Variants in RGS6 observed in about 807,000 individuals in gnomAD.
RGS6 encodes the protein regulator of G protein signaling 6, also known as regulator of G-protein signaling 6.
A neutral mutation model predicts 78.5 loss-of-function variants in RGS6; 30 were observed. That is an observed-to-expected ratio of 0.38 (90% CI 0.29 to 0.52). RGS6 has a LOEUF of 0.52. Among genes scored for constraint, RGS6 ranks in the 20% least tolerant of loss-of-function variants. The pLI, the probability that RGS6 is intolerant of heterozygous loss-of-function variation, is 0.85. For missense variants in RGS6, 495 were observed against 609.7 expected (o/e 0.81, Z 1.98); for synonymous variants, 206 against 206.0 (o/e 1.00, Z 0.00).
chr14:72,438,187 A>G (rs1334954869), intron 3 of RGS6, among the ~76,000 whole-genome samples: 1 of 152,182 alleles, frequency 6.6e-6, no homozygotes, highest in African/African-American at 2.4e-5. Flanking sequence ...AAGTCACAGA[A>G]GAGTGAAGCT....
chr14:71,968,301 A>T (rs1406015077), intron 2 of RGS6, among the ~76,000 whole-genome samples: 1 of 152,180 alleles, frequency 6.6e-6, no homozygotes, highest in Admixed American at 6.6e-5. Context: ...GGGTCCTAGG[A>T]ATCTGAGTTT....
chr14:72,257,922 A>C (rs2153873201), intron 2 of RGS6, among the ~76,000 whole-genome samples: 1 of 152,374 alleles, frequency 6.6e-6, no homozygotes, highest in South Asian at 2.1e-4. Context: ...ATTGTTTATA[A>C]GAAAAGAAAC....
chr14:72,084,540 C>T (rs900133354), intron 2 of RGS6, among the ~76,000 whole-genome samples: 4 of 152,202 alleles, frequency 2.6e-5, no homozygotes, highest in African/African-American at 7.2e-5. Context: ...AATTGAATTA[C>T]AGGCACTTAC....
chr14:72,016,581 T>G (rs550222348), intron 2 of RGS6, among the ~76,000 whole-genome samples: 184 of 152,168 alleles, frequency 1.2e-3, no homozygotes, highest in Non-Finnish European at 1.7e-3. Context: ...TAGCCAGGAT[T>G]GTCTCAATCT....
At chr14:72,275,602 A>G (rs1463317234) in intron 2 of RGS6, among the ~76,000 whole-genome samples, 1 of 152,204 alleles carries the variant, frequency 6.6e-6, no homozygotes, top group Non-Finnish European at 1.5e-5. Flanking sequence ...CTATTTCTGT[A>G]GGCAGGATTC....
At chr14:72,211,851 C>A (rs975094559) in intron 2 of RGS6, among the ~76,000 whole-genome samples, 3 of 152,098 alleles carry the variant, frequency 2.0e-5, no homozygotes, top group African/African-American at 4.8e-5. Context: ...TTGGATATTA[C>A]ATAAAACCTT....
intron 3 of RGS6, among the ~76,000 whole-genome samples, chr14:72,413,994 T>C (rs1034394069): frequency 3.3e-5 from 5 of 152,200 alleles, no homozygotes; most frequent in South Asian, 4.1e-4. Context: ...CTCTGGCTGC[T>C]CTTAACATTT....
chr14:72,559,924 T>C (rs1293773388), intron 17 of RGS6, among the ~76,000 whole-genome samples: 1 of 151,998 alleles, frequency 6.6e-6, no homozygotes, highest in African/African-American at 2.4e-5. Flanking sequence ...AATAGACACA[T>C]AATCCTCCAG....
intron 2 of RGS6, among the ~76,000 whole-genome samples, chr14:72,150,813 T>TTCAACC (rs2096674034): frequency 6.6e-6 from 1 of 152,116 alleles, no homozygotes; most frequent in African/African-American, 2.4e-5. Context: ...AGGCCCCTCT[T>TTCAACC]TCAACCTTGG....
At chr14:72,196,354 T>A (rs78862578) in intron 2 of RGS6, among the ~76,000 whole-genome samples, 1 of 152,146 alleles carries the variant, frequency 6.6e-6, no homozygotes, top group Non-Finnish European at 1.5e-5. Flanking sequence ...GGATTTCCCC[T>A]CCTCACTGAT....
chr14:71,884,154 T>C, the RGS6 span, among the ~76,000 whole-genome samples: 1 of 152,220 alleles, frequency 6.6e-6, no homozygotes, highest in African/African-American at 2.4e-5. Context: ...TCCTAGGAGT[T>C]CTGCCTTCAT....
intron 1 of RGS6, among the ~76,000 whole-genome samples, chr14:71,951,200 T>C (rs931157273): frequency 2.0e-5 from 3 of 152,050 alleles, no homozygotes; most frequent in African/African-American, 7.2e-5. Context: ...AATATGGTAA[T>C]ATACACCATA....
the RGS6 span, among the ~76,000 whole-genome samples, chr14:72,603,581 T>G: frequency 1.3e-3 from 195 of 152,340 alleles, 2 homozygotes; most frequent in Non-Finnish European, 3.7e-4. Flanking sequence ...TCCAGGCAGT[T>G]GGCATTCAAC....
At chr14:72,331,604 C>T (rs1396985618) in intron 2 of RGS6, among the ~76,000 whole-genome samples, 1 of 152,090 alleles carries the variant, frequency 6.6e-6, no homozygotes, top group South Asian at 2.1e-4. Flanking sequence ...TGGGTACTGT[C>T]CTTGTGTCAT....
chr14:72,087,359 T>TA (rs2095087058), intron 2 of RGS6, among the ~76,000 whole-genome samples: 1 of 152,064 alleles, frequency 6.6e-6, no homozygotes, highest in African/African-American at 2.4e-5. Context: ...TTGAACTCCT[T>TA]ACCTCAAGTG....
chr14:72,541,515 G>C lies in RGS6; in HGVS notation c.1422+1421G>C, dbSNP rs1480562799. ...TGCGGGTGCCTGGTCTATCTTCATG[G>C]CTGCTTTGCCAATGGCCGTGTGGCT... is the stretch of plus-strand genomic sequence containing the variant. On this transcript the variant is annotated intron_variant, in intron 17 of 17. Transcript: ENST00000553525. 5.2e-6 allele frequency: 8 copies of C among 1,535,574 alleles called. No individual in the cohort carries two copies. In the Admixed American group the frequency reaches 9.8e-5, roughly 19 times the overall value.
chr14:72,469,854 G>A (rs866955532), intron 7 of RGS6, 153 bp from the exon 8 acceptor site: 2 of 627,652 alleles, frequency 3.2e-6, no homozygotes, highest in South Asian at 3.8e-5. Flanking sequence ...CTGGCGCAAA[G>A]TCAAATGGGA....
intron 2 of RGS6, among the ~76,000 whole-genome samples, chr14:72,068,351 T>C (rs1428971199): frequency 6.6e-6 from 1 of 151,950 alleles, no homozygotes; most frequent in African/African-American, 2.4e-5. Flanking sequence ...GCCAGGCTGG[T>C]CTTGAACTTG....
chr14:71,958,586 G>T (rs1350310404), intron 1 of RGS6, among the ~76,000 whole-genome samples: 1 of 150,428 alleles, frequency 6.6e-6, no homozygotes, highest in Non-Finnish European at 1.5e-5. Flanking sequence ...TTGAAAGCCA[G>T]TTTTTTTTGA....
Sources: gnomAD v4.1 joint callset for allele counts (sites outside exome capture counted in the v4.1 genomes callset) on GRCh38, gnomAD v4.1.1 for gene constraint, MANE v1.5 for transcripts, NCBI Gene and HGNC (gene_info 2026-07-23, HGNC 2026-07-21) for gene names.